Variants in CCSER2 observed in about 807,000 individuals in gnomAD.
CCSER2 encodes the protein coiled-coil serine rich protein 2.
Under a neutral mutation model 92.3 loss-of-function variants are expected in CCSER2, and 46 were observed. That is an observed-to-expected ratio of 0.50 (90% CI 0.39 to 0.64). The LOEUF is 0.64. Ranked by LOEUF, CCSER2 falls within the 30% of genes least tolerant of loss-of-function variation. The probability of loss-of-function intolerance (pLI) is 0.00; values close to 1 mark genes in which losing one functional copy is unlikely to be tolerated. For synonymous variants in CCSER2, 433 were observed against 431.4 expected (o/e 1.00, Z -0.04); for missense variants, 1,244 against 1,238.9 (o/e 1.00, Z -0.06).
At chr10:84,340,849 T>G (rs1188702970) in intron 1 of CCSER2, among the ~76,000 whole-genome samples, 1 of 152,072 alleles carries the variant, frequency 6.6e-6, no homozygotes, top group Non-Finnish European at 1.5e-5. Flanking sequence ...TTTGGCCACT[T>G]CCTGTGTTCC....
At chr10:84,500,559 A>G (rs921339135) in intron 9 of CCSER2, among the ~76,000 whole-genome samples, 1 of 152,236 alleles carries the variant, frequency 6.6e-6, no homozygotes, top group Non-Finnish European at 1.5e-5. Context: ...ATGGTTTACT[A>G]ACATTTCTAA....
intron 9 of CCSER2, among the ~76,000 whole-genome samples, chr10:84,501,525 A>G (rs1465144075): frequency 1.3e-5 from 2 of 151,982 alleles, no homozygotes; most frequent in African/African-American, 2.4e-5. Flanking sequence ...TTTTAAAAAC[A>G]TGTTTATCAG....
chr10:84,454,255 GTGTC>G (rs986010752), intron 6 of CCSER2, among the ~76,000 whole-genome samples: 1 of 152,122 alleles, frequency 6.6e-6, no homozygotes, highest in African/African-American at 2.4e-5. Context: ...TCTCCCTTGT[GTGTC>G]TGTGGGTCCA....
At chr10:84,363,894 C>G (rs1490288695) in intron 1 of CCSER2, among the ~76,000 whole-genome samples, 1 of 152,134 alleles carries the variant, frequency 6.6e-6, no homozygotes, top group Non-Finnish European at 1.5e-5. Flanking sequence ...AGTATACTTA[C>G]ACAGATGCAG....
intron 3 of CCSER2, among the ~76,000 whole-genome samples, chr10:84,417,562 G>A (rs1468205760): frequency 6.6e-6 from 1 of 152,162 alleles, no homozygotes; most frequent in Non-Finnish European, 1.5e-5. Context: ...GGAAAGACTA[G>A]GAGGAAGACT....
intron 5 of CCSER2, 138 bp from the exon 6 acceptor site, chr10:84,438,374 T>G (rs1844317128): frequency 7.3e-6 from 4 of 544,804 alleles, no homozygotes; most frequent in Non-Finnish European, 1.3e-5. Flanking sequence ...CATCAGTGAC[T>G]GAGGTGAGTG....
chr10:84,342,551 T>C (rs117916386), intron 1 of CCSER2, among the ~76,000 whole-genome samples: 2,986 of 152,268 alleles, frequency 0.02, 45 homozygotes, highest in South Asian at 0.069. Flanking sequence ...CCTTTCCTTC[T>C]CCTGTTCACA....
intron 8 of CCSER2, among the ~76,000 whole-genome samples, chr10:84,472,733 A>G (rs561251847): frequency 6.6e-6 from 1 of 152,340 alleles, no homozygotes; most frequent in Non-Finnish European, 1.5e-5. Flanking sequence ...GAATCTTTTT[A>G]TGCCGTGAAG....
intron 3 of CCSER2, among the ~76,000 whole-genome samples, chr10:84,395,916 G>T (rs1445759414): frequency 6.6e-6 from 1 of 152,126 alleles, no homozygotes; most frequent in African/African-American, 2.4e-5. Context: ...TGGGGCCTAG[G>T]TGTGTTCGTT....
At chr10:84,415,653 TAAA>T (rs1287652057) in intron 3 of CCSER2, among the ~76,000 whole-genome samples, 1 of 152,208 alleles carries the variant, frequency 6.6e-6, no homozygotes, top group Non-Finnish European at 1.5e-5. Flanking sequence ...GGGACCTACT[TAAA>T]GAAGTAGTCT....
intron 9 of CCSER2, among the ~76,000 whole-genome samples, chr10:84,497,993 AT>A (rs1392395355): frequency 6.6e-6 from 1 of 152,188 alleles, no homozygotes. Flanking sequence ...AAAATCAGTA[AT>A]TTTCTCAAGG....
intron 7 of CCSER2, among the ~76,000 whole-genome samples, chr10:84,469,423 TATG>T (rs1846645769): frequency 2.0e-5 from 3 of 152,138 alleles, no homozygotes; most frequent in Non-Finnish European, 4.4e-5. Context: ...TTGGGATGCT[TATG>T]TGATATGTTC....
rs562377515 is a variant in CCSER2, at chr10:84,502,367, CTTTTTTTTTTTT to C, written c.2326-11072_2326-11061del. On this transcript the variant is annotated intron_variant, in intron 9 of 9. Transcript: ENST00000372088. ...TCATTAAAAAGTTCTTTGATGACTT[CTTTTTTTTTTTT>C]TTTTTTTTTGAGACAAGAGTCTTGC... 3.0e-3 allele frequency among the ~76,000 whole-genome samples: 330 copies of C among 111,264 alleles called. 1 individual carries two copies. Among genetic ancestry groups the C allele is most frequent in the Non-Finnish European group, 4.4e-3 (245 of 55,378 alleles). 73.0% of individuals were successfully genotyped at this position (111,264 alleles called of 152,430 possible). A position where few individuals can be genotyped will look rare whatever the true frequency, so the allele number is the denominator to read the frequency against.
intron 3 of CCSER2, among the ~76,000 whole-genome samples, chr10:84,401,856 A>G (rs1842135457): frequency 6.6e-6 from 1 of 152,236 alleles, no homozygotes; most frequent in Non-Finnish European, 1.5e-5. Flanking sequence ...GAGGCAGGCC[A>G]TAGTCACCCT....
chr10:84,367,189 A>G (rs11598450), intron 1 of CCSER2, among the ~76,000 whole-genome samples: 15,191 of 151,468 alleles, frequency 0.1, 959 homozygotes, highest in Admixed American at 0.15. Flanking sequence ...CTGTGATTTG[A>G]TATATTTTTT....
In CCSER2 at chr10:84,373,634, C is replaced by T. The variant is rs1201222399; in HGVS notation, c.1433C>T (p.Thr478Ile). ...TCTCTTGAAGACAGGAGTGAATGTA[C>T]AAAACATACTTCTGGGAATAATTTG... ...DISVSDRSEC[T>I]KHTSGNNLVS... Residue 478 changes from threonine to isoleucine, a missense_variant, in exon 3 of 10, where the codon ACA becomes ATA. By Grantham distance (89) the Thr-to-Ile change is moderately conservative. Transcript: ENST00000372088. 27 of 1,611,686 alleles carry T rather than the reference C, an allele frequency of 1.7e-5. No individual in the cohort carries two copies. Among genetic ancestry groups the T allele is most frequent in the African/African-American group, 2.7e-5 (2 of 74,842 alleles).
rs997996736 is a variant in CCSER2, at chr10:84,518,427, T to G, written c.*4160T>G. On this transcript the variant is annotated 3_prime_UTR_variant, in exon 10 of 10. Transcript: ENST00000372088. ...TAGAGTACAAACTGTATATTAGAAT[T>G]TGCCTGTAAAATGAATTCTAAAAAG... is the stretch of plus-strand genomic sequence containing the variant. 2 of 152,642 alleles carry G rather than the reference T, an allele frequency of 1.3e-5. No homozygotes were observed. The highest frequency in any genetic ancestry group is 2.9e-5 in the Non-Finnish European group (2 of 68,038). 9.5% of individuals were successfully genotyped at this position (152,642 alleles called of 1,614,324 possible).
At chr10:84,387,436 G>A (rs1019836041) in intron 3 of CCSER2, among the ~76,000 whole-genome samples, 1 of 152,052 alleles carries the variant, frequency 6.6e-6, no homozygotes, top group Non-Finnish European at 1.5e-5. Context: ...TTCTTCGTAC[G>A]TCTAATCATG....
Position 84,353,528 on chromosome 10 carries a change from CG to C in CCSER2, c.-39-17485del, listed in dbSNP as rs112239813. ...TTTTGTTGGTTGAGTTTGCTCATAA[CG>C]TTTAGTAAGACCGAGTCCCTACTTC... On this transcript the variant is annotated intron_variant, in intron 1 of 9. Transcript: ENST00000372088. Among the ~76,000 whole-genome samples, 413 of 152,268 alleles carry C rather than the reference CG, an allele frequency of 2.7e-3. 2 individuals carry two copies. The highest frequency in any genetic ancestry group is 9.2e-3 in the African/African-American group (382 of 41,540).
Sources: gnomAD v4.1 joint callset for allele counts (sites outside exome capture counted in the v4.1 genomes callset) on GRCh38, gnomAD v4.1.1 for gene constraint, MANE v1.5 for transcripts, NCBI Gene and HGNC (gene_info 2026-07-23, HGNC 2026-07-21) for gene names.